Variants in FAM184A observed in about 807,000 individuals in gnomAD.
FAM184A encodes protein FAM184A.
Under a neutral mutation model 143.8 loss-of-function variants are expected in FAM184A, and 99 were observed. The observed-to-expected ratio is 0.69, with a 90% CI of 0.58 to 0.81. The LOEUF (loss-of-function observed/expected upper bound fraction) is 0.81. FAM184A is among the 40% of genes least tolerant of loss of function. The probability of loss-of-function intolerance (pLI) is 0.00; values close to 1 mark genes in which losing one functional copy is unlikely to be tolerated. For synonymous variants in FAM184A, 427 were observed against 446.4 expected, an observed-to-expected ratio of 0.96 and a Z score of 0.55; for missense variants, 1,217 against 1,310.5, an observed-to-expected ratio of 0.93 and a Z score of 1.10.
intron 9 of FAM184A, among the ~76,000 whole-genome samples, chr6:118,997,324 CAAAA>C (rs11345478): frequency 2.7e-5 from 3 of 111,920 alleles, no homozygotes; most frequent in Non-Finnish European, 3.7e-5. Flanking sequence ...AACTCCATCT[CAAAA>C]AAAAAAAAAA....
intron 1 of FAM184A, among the ~76,000 whole-genome samples, chr6:119,125,858 TC>T (rs1186981755): frequency 6.6e-6 from 1 of 152,180 alleles, no homozygotes; most frequent in East Asian, 1.9e-4. Context: ...CTCCAGCCAC[TC>T]AGAGTTGTAA....
At chr6:119,119,951 C>CACAG (rs1446124696) in intron 1 of FAM184A, among the ~76,000 whole-genome samples, 3 of 152,160 alleles carry the variant, frequency 2.0e-5, no homozygotes, top group African/African-American at 7.2e-5. Flanking sequence ...GCCGCTGCAG[C>CACAG]ACAGCATGGG....
intron 1 of FAM184A, among the ~76,000 whole-genome samples, chr6:119,108,868 C>T (rs1309170708): frequency 6.6e-6 from 1 of 152,198 alleles, no homozygotes; most frequent in East Asian, 1.9e-4. Context: ...GAAGTGACTT[C>T]TACTCAACTT....
In FAM184A at chr6:119,127,357, G is replaced by T. The variant is rs528994528; in HGVS notation, c.-202+21721C>A. On this transcript the variant is annotated intron_variant, in intron 1 of 16. Coordinates refer to the FAM184A transcript ENST00000352896. ...CTAGTGGTGGTGAGGTATCTTGGAG[G>T]ACACCTTAGAATTCTACCTACCACA... is the stretch of plus-strand genomic sequence containing the variant. Among the ~76,000 whole-genome samples the T allele has an allele frequency of 5.3e-4, 80 of 152,328 alleles. 1 individual carries two copies. The highest frequency in any genetic ancestry group is 1.9e-3 in the African/African-American group (77 of 41,558).
intron 1 of FAM184A, among the ~76,000 whole-genome samples, chr6:119,053,513 T>C (rs918025606): frequency 2.0e-5 from 3 of 152,186 alleles, no homozygotes; most frequent in Non-Finnish European, 2.9e-5. Context: ...CTAACGCCAA[T>C]TGTGCTTAAC....
rs1762222 is a variant in FAM184A, at chr6:118,994,738, A to T, written c.2088+8161T>A. On this transcript the variant is annotated intron_variant, in intron 9 of 17. Transcript: ENST00000338891. ...ATAAATAAATAAATAAATAAATAAA[A>T]AGCCAGAGGGTTATCATCACACAAA... Among the ~76,000 whole-genome samples the T allele has an allele frequency of 4.2e-3, 391 of 92,348 alleles. 6 individuals carry two copies. Among genetic ancestry groups the T allele is most frequent in the African/African-American group, 3.6e-3 (97 of 27,060 alleles). 60.6% of individuals were successfully genotyped at this position (92,348 alleles called of 152,430 possible).
intron 1 of FAM184A, among the ~76,000 whole-genome samples, chr6:119,035,585 C>T (rs1029314415): frequency 1.3e-5 from 2 of 152,128 alleles, no homozygotes; most frequent in African/African-American, 4.8e-5. Context: ...TCTCCCTGAT[C>T]CGGGAGAGAA....
At chr6:118,984,869 C>G (rs980039839) in intron 9 of FAM184A, among the ~76,000 whole-genome samples, 1 of 152,164 alleles carries the variant, frequency 6.6e-6, no homozygotes, top group African/African-American at 2.4e-5. Context: ...TCTGATTTAG[C>G]AGGTCTGGAA....
intron 1 of FAM184A, among the ~76,000 whole-genome samples, chr6:119,053,466 T>C (rs1287891546): frequency 6.6e-6 from 1 of 152,182 alleles, no homozygotes; most frequent in Non-Finnish European, 1.5e-5. Flanking sequence ...CAGGCACATC[T>C]AAAAACACAT....
At position 119,061,603 on chromosome 6, in the gene FAM184A, C is replaced by T. The variant is rs1021904832; in HGVS notation, c.159+16538G>A. Among the ~76,000 whole-genome samples the T allele has an allele frequency of 7.0e-5, 9 of 128,192 alleles. No individual in the cohort carries two copies. In the South Asian group the frequency reaches 7.6e-4, roughly 11 times the overall value. The allele number at this position is 128,192 out of a possible 152,430, so 84.1% of individuals were successfully genotyped here. A position where few individuals can be genotyped will look rare whatever the true frequency, so the allele number is the denominator to read the frequency against. On this transcript the variant is annotated intron_variant, in intron 1 of 17. Transcript: ENST00000338891. ...ACGTTGCCCAGACTGGTGTTGAACT[C>T]CTGGCCTCAAGCAATCCTCTCTCAA...
At chr6:119,042,444 T>G (rs1436218879) in intron 1 of FAM184A, among the ~76,000 whole-genome samples, 1 of 148,806 alleles carries the variant, frequency 6.7e-6, no homozygotes, top group Non-Finnish European at 1.5e-5. Flanking sequence ...AAACTTCCAT[T>G]CTTAGTCTGG....
chr6:119,080,569 G>A (rs184409965), upstream of FAM184A, among the ~76,000 whole-genome samples: 253 of 152,254 alleles, frequency 1.7e-3, no homozygotes, highest in African/African-American at 5.6e-3. Flanking sequence ...TAATATACAG[G>A]TCGAGTATCC....
intron 1 of FAM184A, among the ~76,000 whole-genome samples, chr6:119,066,910 A>C (rs997943325): frequency 2.0e-5 from 3 of 152,382 alleles, no homozygotes; most frequent in East Asian, 1.9e-4. Flanking sequence ...CTTTAGGTAC[A>C]TAGACAAAGA....
chr6:119,081,582 A>G (rs772161419), upstream of FAM184A, among the ~76,000 whole-genome samples: 2 of 152,158 alleles, frequency 1.3e-5, no homozygotes, highest in East Asian at 1.9e-4. Context: ...GGCTTTCTAT[A>G]TCCTGGGGTT....
In FAM184A at chr6:118,960,908, T is replaced by TTAAA. The variant is rs750227915; in HGVS notation, c.3342-725_3342-724insTTTA. The TTAAA allele has an allele frequency of 4.6e-6, 5 of 1,077,406 alleles. No homozygotes were observed. In the East Asian group the frequency reaches 2.6e-4, roughly 56 times the overall value. The allele number at this position is 1,077,406 out of a possible 1,614,324, so 66.7% of individuals were successfully genotyped here. ...AGGGAAAATAAGCAACACAAAATAT[T>TTAAA]TAGCAGGAGACAAATTCAGAGGTGT... is the stretch of plus-strand genomic sequence containing the variant. On this transcript the variant is annotated intron_variant, in intron 17 of 17. Coordinates refer to ENST00000338891, the MANE Select transcript of FAM184A (RefSeq NM_024581.6).
chr6:119,072,950 C>T (rs1013054323), intron 1 of FAM184A, among the ~76,000 whole-genome samples: 1 of 151,908 alleles, frequency 6.6e-6, no homozygotes, highest in Admixed American at 6.5e-5. Flanking sequence ...TCATTATGAC[C>T]ACCATCTTCT....
At chr6:119,130,241 C>T (rs1052967993) in intron 1 of FAM184A, among the ~76,000 whole-genome samples, 14 of 152,248 alleles carry the variant, frequency 9.2e-5, no homozygotes, top group African/African-American at 2.6e-4. Flanking sequence ...GGAAGACTTC[C>T]GGCTCCAGAA....
chr6:119,106,356 G>A (rs565800503), intron 1 of FAM184A, among the ~76,000 whole-genome samples: 102 of 152,270 alleles, frequency 6.7e-4, no homozygotes, highest in Admixed American at 1.8e-3. Flanking sequence ...TTGTGCCACT[G>A]CACTCCAGGG....
intron 11 of FAM184A, among the ~76,000 whole-genome samples, chr6:118,977,412 C>T (rs1465694626): frequency 2.0e-5 from 3 of 151,954 alleles, no homozygotes; most frequent in Non-Finnish European, 4.4e-5. Context: ...TGAAACCCTG[C>T]CTACAAAAAT....
Sources: gnomAD v4.1 joint callset for allele counts (sites outside exome capture counted in the v4.1 genomes callset) on GRCh38, gnomAD v4.1.1 for gene constraint, MANE v1.5 for transcripts, NCBI Gene and HGNC (gene_info 2026-07-23, HGNC 2026-07-21) for gene names.